SH3RF3: variants seen among roughly 807,000 people sequenced by gnomAD.
The protein encoded by SH3RF3 is E3 ubiquitin-protein ligase SH3RF3.
In SH3RF3, 29 loss-of-function variants were observed where a neutral mutation model predicts 66.3. The ratio of observed to expected loss-of-function variants is 0.44; its 90% confidence interval spans 0.33 to 0.60. The LOEUF (loss-of-function observed/expected upper bound fraction) is 0.60, where lower values mean the gene tolerates loss of function less well. Among genes scored for constraint, SH3RF3 ranks in the 20% least tolerant of loss-of-function variants. SH3RF3 has a pLI of 0.04. For missense variants in SH3RF3, 1,194 were observed against 1,190.9 expected, an observed-to-expected ratio of 1.00 and a Z score of -0.04; for synonymous variants, 583 against 532.0, an observed-to-expected ratio of 1.10 and a Z score of -1.32.
chr2:109,496,109 GT>G (rs1679254436), intron 9 of SH3RF3, among the ~76,000 whole-genome samples: 1 of 152,168 alleles, frequency 6.6e-6, no homozygotes, highest in Non-Finnish European at 1.5e-5. Context: ...CCCATGTTCT[GT>G]TTTTGTCCTA....
At chr2:109,202,953 A>G (rs2105075925) in intron 1 of SH3RF3, among the ~76,000 whole-genome samples, 1 of 152,282 alleles carries the variant, frequency 6.6e-6, no homozygotes, top group South Asian at 2.1e-4. Context: ...ACACAATGGG[A>G]GCTGGTCTTG....
At chr2:109,328,816 A>G (rs1199902985) in intron 1 of SH3RF3, among the ~76,000 whole-genome samples, 1 of 152,118 alleles carries the variant, frequency 6.6e-6, no homozygotes, top group Non-Finnish European at 1.5e-5. Context: ...AAAATATTTC[A>G]CCTGAACACA....
At chr2:109,218,671 G>A (rs184101571) in intron 1 of SH3RF3, among the ~76,000 whole-genome samples, 6 of 152,308 alleles carry the variant, frequency 3.9e-5, no homozygotes, top group Admixed American at 3.9e-4. Flanking sequence ...CGGCCAGCAG[G>A]AGTGAGGGAG....
Position 109,403,230 on chromosome 2 carries a change from G to A in SH3RF3, c.1299+4287G>A, listed in dbSNP as rs188395750. Among the ~76,000 whole-genome samples the A allele has an allele frequency of 6.6e-5, 10 of 152,354 alleles. No individual in the cohort carries two copies. The Middle Eastern group carries it at 0.014, about 207-fold the overall frequency. Reference sequence around the variant, plus strand: ...ACAGCCTGAGAGCCGCGCACTGTCCGAGGCTGGCCTCCTCCCCGCAGCTGT... The same window carrying A: ...ACAGCCTGAGAGCCGCGCACTGTCCAAGGCTGGCCTCCTCCCCGCAGCTGT... On this transcript the variant is annotated intron_variant, in intron 4 of 9. Transcript: ENST00000309415.
At chr2:109,354,183 G>A (rs929936379) in intron 2 of SH3RF3, among the ~76,000 whole-genome samples, 2 of 152,190 alleles carry the variant, frequency 1.3e-5, no homozygotes, top group East Asian at 1.9e-4. Context: ...TTCTCCCTGC[G>A]ACACAGAGTG....
chr2:109,243,443 G>C (rs1472173755), intron 1 of SH3RF3, among the ~76,000 whole-genome samples: 1 of 152,186 alleles, frequency 6.6e-6, no homozygotes, highest in Non-Finnish European at 1.5e-5. Context: ...AATGAGGAAG[G>C]GATTTTCGTA....
intron 8 of SH3RF3, among the ~76,000 whole-genome samples, chr2:109,472,360 A>G (rs551843516): frequency 1.3e-5 from 2 of 151,910 alleles, no homozygotes; most frequent in Admixed American, 6.6e-5. Flanking sequence ...GCCGGTGTGC[A>G]TGCAGGGTGT....
At chr2:109,460,703 T>C (rs1054371079) in intron 8 of SH3RF3, among the ~76,000 whole-genome samples, 2 of 152,360 alleles carry the variant, frequency 1.3e-5, no homozygotes, top group South Asian at 4.1e-4. Context: ...CATGTGCTTT[T>C]CCAATTTCCT....
chr2:109,459,123 T>C (rs1678145371), intron 8 of SH3RF3, among the ~76,000 whole-genome samples: 1 of 152,144 alleles, frequency 6.6e-6, no homozygotes, highest in Non-Finnish European at 1.5e-5. Flanking sequence ...TTCTTCTTGA[T>C]ATCTTGTAAC....
chr2:109,476,769 G>A (rs569498445), intron 8 of SH3RF3, among the ~76,000 whole-genome samples: 1 of 152,316 alleles, frequency 6.6e-6, no homozygotes, highest in Admixed American at 6.5e-5. Context: ...CAGCCCTGAG[G>A]GCTGCTGGTT....
intron 1 of SH3RF3, among the ~76,000 whole-genome samples, chr2:109,162,315 C>T (rs60503121): frequency 0.029 from 4,448 of 152,312 alleles, 203 homozygotes; most frequent in African/African-American, 0.1. Context: ...ACAGCTACTG[C>T]GAGAAGTTGC....
Position 109,306,550 on chromosome 2 carries a change from C to T in SH3RF3, c.574-41124C>T, listed in dbSNP as rs552754258. On this transcript the variant is annotated intron_variant, in intron 1 of 9. Transcript: ENST00000309415. The stretch of plus-strand genomic sequence containing the variant: ...ACCTGCCCTTGTGGATGCTTTTTCT[C>T]TGACCGTACAGTGGCTGGTGGTGTT... Among the ~76,000 whole-genome samples, 6 of 152,316 alleles carry T rather than the reference C, an allele frequency of 3.9e-5. No individual in the cohort carries two copies. The South Asian group carries it at 1.2e-3, about 32-fold the overall frequency.
chr2:109,375,879 G>T (rs775345122), intron 3 of SH3RF3, among the ~76,000 whole-genome samples: 20 of 152,250 alleles, frequency 1.3e-4, no homozygotes, highest in Non-Finnish European at 2.2e-4. Context: ...AGTTCAGGGC[G>T]ATGCGGGCTT....
At chr2:109,493,262 C>T (rs1006835667) in intron 9 of SH3RF3, among the ~76,000 whole-genome samples, 22 of 149,802 alleles carry the variant, frequency 1.5e-4, no homozygotes, top group Non-Finnish European at 3.1e-4. Context: ...ACACTGCAAA[C>T]ACACACCCCA....
At position 109,371,655 on chromosome 2, in the gene SH3RF3, G is replaced by A. The variant is rs1350720235; in HGVS notation, c.919G>A (p.Gly307Arg). Residue 307 changes from glycine to arginine, a missense_variant, in exon 3 of 10, where the codon GGG becomes AGG. By Grantham distance (125) the Gly-to-Arg change is moderately radical. Transcript: ENST00000309415. ...WAEGMLGDKIGIFPLLYVELN... is the reference protein window; with the variant it reads ...WAEGMLGDKIRIFPLLYVELN... ...GGAAGGCATGCTGGGAGACAAGATC[G>A]GGATCTTCCCGCTCCTGTACGTGGA... 3.1e-6 allele frequency: 5 copies of A among 1,613,792 alleles called. No homozygotes were observed. The highest frequency in any genetic ancestry group is 2.5e-6 in the Non-Finnish European group (3 of 1,179,870).
intron 7 of SH3RF3, among the ~76,000 whole-genome samples, chr2:109,445,486 C>T (rs1171351821): frequency 6.6e-6 from 1 of 151,928 alleles, no homozygotes; most frequent in African/African-American, 2.4e-5. Flanking sequence ...TAAGAAAGAG[C>T]CAGTGTACAC....
intron 2 of SH3RF3, among the ~76,000 whole-genome samples, chr2:109,357,069 T>A (rs926802021): frequency 6.6e-5 from 10 of 151,330 alleles, no homozygotes; most frequent in Admixed American, 4.6e-4. Context: ...AATTTTTTTT[T>A]ATTATGTTAT....
At chr2:109,427,929 C>T (rs1035596149) in intron 5 of SH3RF3, among the ~76,000 whole-genome samples, 9 of 152,366 alleles carry the variant, frequency 5.9e-5, no homozygotes, top group African/African-American at 1.7e-4. Context: ...GCGCACGCTC[C>T]TCTGAGCATC....
chr2:109,420,177 C>G (rs1676833563), intron 5 of SH3RF3, among the ~76,000 whole-genome samples: 1 of 152,202 alleles, frequency 6.6e-6, no homozygotes, highest in Non-Finnish European at 1.5e-5. Context: ...AAAATCTGCC[C>G]AGTTAAATTA....
Sources: allele counts gnomAD v4.1 joint callset (sites outside exome capture counted in the v4.1 genomes callset), GRCh38; gene constraint gnomAD v4.1.1; transcripts MANE v1.5; gene names NCBI Gene and HGNC (gene_info 2026-07-23, HGNC 2026-07-21).